GARIN2: variants seen among roughly 807,000 people sequenced by gnomAD.
GARIN2 encodes golgi associated RAB2 interactor family member 2.
chr14:67,199,967 A>C, the GARIN2 span: 2 of 1,223,444 alleles, frequency 1.6e-6, no homozygotes, highest in Non-Finnish European at 2.3e-6. Flanking sequence ...GGAGTGCCCC[A>C]TCCAGGGATG....
the GARIN2 span, among the ~76,000 whole-genome samples, chr14:67,193,282 C>G: frequency 4.4e-5 from 6 of 135,474 alleles, no homozygotes; most frequent in African/African-American, 1.4e-4. Context: ...CTATATATCT[C>G]TATATAGACA....
At chr14:67,224,888 A>T in the GARIN2 span, 1 of 387,000 alleles carries the variant, frequency 2.6e-6, no homozygotes, top group South Asian at 3.3e-5. Flanking sequence ...AAAAGGAGGG[A>T]GCCCTCTAAA....
chr14:67,225,921 C>CTGTGTGTGTGTGTG, the GARIN2 span, among the ~76,000 whole-genome samples: 2 of 84,942 alleles, frequency 2.4e-5, no homozygotes, highest in South Asian at 7.6e-4. Flanking sequence ...AAAGCTAATG[C>CTGTGTGTGTGTGTG]TGTGAGTGTG....
the GARIN2 span, among the ~76,000 whole-genome samples, chr14:67,218,744 C>T: frequency 5.9e-5 from 9 of 151,862 alleles, no homozygotes; most frequent in East Asian, 3.9e-4. Context: ...TTCTGCTTGC[C>T]CAAGGGTATA....
the GARIN2 span, chr14:67,203,369 C>T: frequency 8.0e-7 from 1 of 1,249,236 alleles, no homozygotes; most frequent in Non-Finnish European, 1.1e-6. Context: ...AACGGAAACA[C>T]TGATGACAAT....
chr14:67,215,537 A>G, the GARIN2 span, among the ~76,000 whole-genome samples: 1 of 149,942 alleles, frequency 6.7e-6, no homozygotes, highest in Non-Finnish European at 1.5e-5. Flanking sequence ...ACAACAGGAG[A>G]GAGTGAGAGT....
chr14:67,205,356 C>A, the GARIN2 span, among the ~76,000 whole-genome samples: 3 of 152,156 alleles, frequency 2.0e-5, no homozygotes, highest in African/African-American at 4.8e-5. Flanking sequence ...AGAATCAGAA[C>A]CAAGTTAGAC....
chr14:67,199,403 T>C, the GARIN2 span: 2 of 1,613,856 alleles, frequency 1.2e-6, no homozygotes, highest in East Asian at 4.5e-5. Context: ...TGATGAGAAG[T>C]TGCTTTATGA....
At chr14:67,200,762 T>A in the GARIN2 span, among the ~76,000 whole-genome samples, 1 of 152,212 alleles carries the variant, frequency 6.6e-6, no homozygotes, top group East Asian at 1.9e-4. Flanking sequence ...CTACTAATAA[T>A]GTTTTCATTT....
At chr14:67,208,177 TTGC>T in the GARIN2 span, 3 of 1,611,910 alleles carry the variant, frequency 1.9e-6, no homozygotes, top group African/African-American at 2.7e-5. Flanking sequence ...GTTACCTGAT[TTGC>T]TGCTGCTTTT....
chr14:67,208,124 A>G, the GARIN2 span: 13 of 1,567,128 alleles, frequency 8.3e-6, no homozygotes, highest in South Asian at 1.4e-4. Context: ...TGGTGCCTGT[A>G]TTCGATACTG....
At chr14:67,224,942 G>A in the GARIN2 span, 1 of 555,332 alleles carries the variant, frequency 1.8e-6, no homozygotes, top group East Asian at 3.5e-5. Flanking sequence ...CCATTGCAAA[G>A]AATAAATACA....
At chr14:67,223,860 C>A in the GARIN2 span, 16 of 985,746 alleles carry the variant, frequency 1.6e-5, no homozygotes, top group Non-Finnish European at 1.9e-5. Context: ...TCACTTAACA[C>A]CCTGTACCCC....
the GARIN2 span, among the ~76,000 whole-genome samples, chr14:67,207,764 G>A: frequency 6.6e-6 from 1 of 152,024 alleles, no homozygotes; most frequent in Non-Finnish European, 1.5e-5. Context: ...TTAGATACAG[G>A]TTCTAAGTCT....
the GARIN2 span, chr14:67,198,175 C>G: frequency 1.9e-6 from 3 of 1,612,416 alleles, no homozygotes; most frequent in Non-Finnish European, 2.5e-6. Flanking sequence ...AAGAAGAACA[C>G]CAGCAAGACT....
chr14:67,221,816 C>CAACCACCCTGGAAAAGAGTTTGGA, the GARIN2 span: 2 of 1,612,696 alleles, frequency 1.2e-6, no homozygotes, highest in African/African-American at 2.7e-5. Context: ...AGGTATGGAA[C>CAACCACCCTGGAAAAGAGTTTGGA]AAATTCCACT....
the GARIN2 span, chr14:67,203,189 T>C: frequency 6.2e-7 from 1 of 1,613,952 alleles, no homozygotes; most frequent in Admixed American, 1.7e-5. Flanking sequence ...AGATCCCCAA[T>C]GTGATGCTAC....
the GARIN2 span, chr14:67,208,505 A>G: frequency 2.6e-6 from 4 of 1,557,634 alleles, no homozygotes; most frequent in Admixed American, 7.6e-5. Context: ...ATTAATAAAG[A>G]AATATGTGCT....
chr14:67,192,248 A>T, the GARIN2 span, among the ~76,000 whole-genome samples: 7 of 152,342 alleles, frequency 4.6e-5, no homozygotes, highest in East Asian at 1.3e-3. Context: ...CACAATCGTG[A>T]TAGAATAACT....
Sources: gnomAD v4.1 joint callset for allele counts (sites outside exome capture counted in the v4.1 genomes callset) on GRCh38, gnomAD v4.1.1 for gene constraint, MANE v1.5 for transcripts, NCBI Gene and HGNC (gene_info 2026-07-23, HGNC 2026-07-21) for gene names.